The following TENM3 variants were observed in gnomAD, a reference collection of about 807,000 sequenced individuals.
TENM3 encodes the protein teneurin transmembrane protein 3, also known as teneurin-3.
Under a neutral mutation model 255.1 loss-of-function variants are expected in TENM3, and 63 were observed. The ratio of observed to expected loss-of-function variants is 0.25; its 90% CI spans 0.20 to 0.30. The LOEUF (loss-of-function observed/expected upper bound fraction) is 0.30. Ranked by LOEUF, TENM3 falls within the 10% of genes least tolerant of loss-of-function variation. The pLI is 1.00. For missense variants in TENM3, 2,929 were observed against 3,461.1 expected, an observed-to-expected ratio of 0.85 and a Z score of 3.86; for synonymous variants, 1,306 against 1,322.3, an observed-to-expected ratio of 0.99 and a Z score of 0.27.
chr4:182,450,574 A>G (rs1396200913), intron 3 of TENM3, among the ~76,000 whole-genome samples: 1 of 152,238 alleles, frequency 6.6e-6, no homozygotes, highest in Non-Finnish European at 1.5e-5. Flanking sequence ...TCCGCTATAA[A>G]GTATGTTTAA....
the TENM3 span, among the ~76,000 whole-genome samples, chr4:181,726,823 G>C: frequency 6.6e-6 from 1 of 152,156 alleles, no homozygotes; most frequent in African/African-American, 2.4e-5. Flanking sequence ...CAAGCCCCAG[G>C]TTGTTCTACC....
intron 3 of TENM3, among the ~76,000 whole-genome samples, chr4:182,354,105 G>T (rs1277411066): frequency 9.9e-5 from 15 of 152,078 alleles, no homozygotes; most frequent in Admixed American, 9.8e-4. Flanking sequence ...ATATTTTTCT[G>T]TTCTAAGAGG....
chr4:181,835,740 G>C, the TENM3 span, among the ~76,000 whole-genome samples: 37 of 152,172 alleles, frequency 2.4e-4, no homozygotes, highest in Admixed American at 2.2e-3. Flanking sequence ...TTTAGTTATC[G>C]GCAGTAAGAC....
intron 3 of TENM3, among the ~76,000 whole-genome samples, chr4:182,353,504 C>T (rs1765314407): frequency 6.6e-6 from 1 of 152,112 alleles, no homozygotes; most frequent in Non-Finnish European, 1.5e-5. Flanking sequence ...TTACAAAATG[C>T]CGTCAAATAG....
chr4:182,326,806 G>A (rs956243441), intron 2 of TENM3, among the ~76,000 whole-genome samples: 2 of 152,124 alleles, frequency 1.3e-5, no homozygotes, highest in Non-Finnish European at 1.5e-5. Flanking sequence ...GCCTCCCTAA[G>A]TGCTGAAATA....
chr4:181,755,271 A>G, the TENM3 span, among the ~76,000 whole-genome samples: 2 of 152,042 alleles, frequency 1.3e-5, no homozygotes, highest in Non-Finnish European at 2.9e-5. Context: ...TAGTTTTTTC[A>G]TTATTGTCGA....
At position 182,484,812 on chromosome 4, in the gene TENM3, T is replaced by A. The variant is rs1734544541; in HGVS notation, c.512-116112T>A. ...AGTTGATACTATGTCTGAATTAATT[T>A]ATTTATGGAATTATAAGACAAAATT... On this transcript the variant is annotated intron_variant, in intron 3 of 27. Coordinates refer to ENST00000511685, the MANE Select transcript of TENM3 (RefSeq NM_001080477.4). Among the ~76,000 whole-genome samples the A allele has an allele frequency of 2.6e-5, 4 of 152,300 alleles. No individual in the cohort carries two copies. In the South Asian group the frequency reaches 8.3e-4, roughly 32 times the overall value.
intron 1 of TENM3, among the ~76,000 whole-genome samples, chr4:182,238,206 T>C (rs895814331): frequency 9.9e-5 from 15 of 151,870 alleles, no homozygotes; most frequent in Admixed American, 2.0e-4. Flanking sequence ...GAGTCTGGGG[T>C]CGTCGGAAGC....
chr4:181,760,969 T>TACACACACAC, the TENM3 span, among the ~76,000 whole-genome samples: 301 of 50,638 alleles, frequency 5.9e-3, 3 homozygotes, highest in African/African-American at 0.018. Flanking sequence ...ACCACACACA[T>TACACACACAC]ACACACACAC....
chr4:182,491,730 G>T (rs1227916195), intron 3 of TENM3, among the ~76,000 whole-genome samples: 1 of 152,160 alleles, frequency 6.6e-6, no homozygotes, highest in Non-Finnish European at 1.5e-5. Context: ...GTTCACCATA[G>T]ATGTTAATGT....
rs1174074047 is a variant in TENM3, at chr4:182,755,081, C to A, written c.4714C>A (p.Arg1572Ser). The A allele has an allele frequency of 2.5e-5, 41 of 1,613,848 alleles. No individual in the cohort carries two copies. Among genetic ancestry groups the A allele is most frequent in the Non-Finnish European group, 3.5e-5 (41 of 1,179,908 alleles). ...NTLRIRRDPN[R>S]MPVRVVSPDN... ...CCTTAGAATTAGACGGGACCCAAAT[C>A]GCATGCCAGTTCGAGTGGTGTCTCC... Residue 1572 changes from arginine to serine, a missense_variant, in exon 22 of 28, where the codon CGC becomes AGC. Arg to Ser is a moderately radical substitution (Grantham distance 110). This residue lies in a region of TENM3 where 1,608 missense variants were observed against 1,884.4 expected (regional missense o/e 0.85). Transcript: ENST00000511685.
At chr4:181,858,120 A>T in the TENM3 span, among the ~76,000 whole-genome samples, 2 of 152,176 alleles carry the variant, frequency 1.3e-5, no homozygotes, top group Non-Finnish European at 2.9e-5. Flanking sequence ...TTATGTTGAG[A>T]CAGGGTCCCA....
intron 3 of TENM3, among the ~76,000 whole-genome samples, chr4:182,445,437 T>C (rs1772837567): frequency 6.6e-6 from 1 of 152,216 alleles, no homozygotes; most frequent in African/African-American, 2.4e-5. Flanking sequence ...TTAGCACCTC[T>C]GACAATGTGG....
intron 22 of TENM3, among the ~76,000 whole-genome samples, chr4:182,771,500 G>T (rs370709416): frequency 8.3e-6 from 1 of 120,068 alleles, no homozygotes; most frequent in Admixed American, 9.1e-5. Context: ...CTCTGAAATG[G>T]GGGGGGGGGA....
chr4:181,712,717 T>C, the TENM3 span, among the ~76,000 whole-genome samples: 3 of 152,210 alleles, frequency 2.0e-5, no homozygotes, highest in East Asian at 3.9e-4. Flanking sequence ...TACCAATGTA[T>C]GTTATATGAA....
the TENM3 span, among the ~76,000 whole-genome samples, chr4:181,928,511 C>G: frequency 1.3e-5 from 2 of 151,770 alleles, no homozygotes; most frequent in Non-Finnish European, 2.9e-5. Flanking sequence ...AACAACACCA[C>G]CAAGAAATAT....
chr4:182,069,774 C>T, the TENM3 span, among the ~76,000 whole-genome samples: 1 of 152,214 alleles, frequency 6.6e-6, no homozygotes, highest in Non-Finnish European at 1.5e-5. Flanking sequence ...TCTCCCTCTG[C>T]TCAGAAATCT....
intron 3 of TENM3, among the ~76,000 whole-genome samples, chr4:182,410,455 C>T (rs1029109708): frequency 7.2e-5 from 11 of 152,278 alleles, no homozygotes; most frequent in African/African-American, 2.6e-4. Context: ...CTCTGTCTCC[C>T]GAGGCTCACA....
intron 13 of TENM3, among the ~76,000 whole-genome samples, chr4:182,728,646 G>A (rs918980579): frequency 6.6e-6 from 1 of 152,174 alleles, no homozygotes; most frequent in African/African-American, 2.4e-5. Context: ...CATCTGTACA[G>A]CATGTTACTC....
Sources: gnomAD v4.1 joint callset for allele counts (sites outside exome capture counted in the v4.1 genomes callset) on GRCh38, gnomAD v4.1.1 for gene constraint, gnomAD v4.1.1 regional missense constraint, MANE v1.5 for transcripts, NCBI Gene and HGNC (gene_info 2026-07-23, HGNC 2026-07-21) for gene names.